The following PRDM16 variants were observed in gnomAD, a reference collection of about 807,000 sequenced individuals.
PRDM16 encodes the protein PR/SET domain 16.
Under a neutral mutation model 110.6 loss-of-function variants are expected in PRDM16, and 23 were observed. The observed-to-expected ratio is 0.21, with a 90% CI of 0.15 to 0.29. The LOEUF (loss-of-function observed/expected upper bound fraction) is 0.29. Among genes scored for constraint, PRDM16 ranks in the 10% least tolerant of loss-of-function variants. PRDM16 has a pLI of 1.00. For synonymous variants in PRDM16, 799 were observed against 781.8 expected (o/e 1.02, Z -0.37); for missense variants, 1,615 against 1,794.3 (o/e 0.90, Z 1.81).
intron 3 of PRDM16, among the ~76,000 whole-genome samples, chr1:3,267,650 AGGAGC>A (rs1216468523): frequency 6.6e-6 from 1 of 152,220 alleles, no homozygotes; most frequent in African/African-American, 2.4e-5. Flanking sequence ...CTCAGAAACG[AGGAGC>A]GGCCTCACAG....
rs1309147524 is a variant in PRDM16 at position 3,245,105 on chromosome 1, C to T, written c.438+968C>T. On this transcript the variant is annotated intron_variant, in intron 3 of 16. Transcript: ENST00000270722. The surrounding 1 kb of genome is among the most constrained non-coding windows in gnomAD (Gnocchi z 4.7). The stretch of plus-strand genomic sequence containing the variant: ...GGGTGCACCATGGGGGTTGCTGGCA[C>T]AGAGGAGCCAGTGCTGAGTCAGTGC... Among the ~76,000 whole-genome samples the T allele has an allele frequency of 6.6e-6, 1 of 152,146 alleles. No homozygotes were observed. Among genetic ancestry groups the T allele is most frequent in the Non-Finnish European group, 1.5e-5 (1 of 68,032 alleles).
intron 12 of PRDM16, among the ~76,000 whole-genome samples, chr1:3,423,636 G>C (rs924642459): frequency 2.6e-5 from 4 of 152,334 alleles, no homozygotes; most frequent in African/African-American, 4.8e-5. Flanking sequence ...TCGGGGCGGG[G>C]TGGGGCCTCT....
chr1:3,284,176 C>T (rs1640796918), intron 3 of PRDM16, among the ~76,000 whole-genome samples: 2 of 152,234 alleles, frequency 1.3e-5, no homozygotes, highest in East Asian at 1.9e-4. Flanking sequence ...GCCTGGGGGA[C>T]ATCTCGCCAA....
At chr1:3,254,076 G>A (rs936816964) in intron 3 of PRDM16, among the ~76,000 whole-genome samples, 1 of 151,912 alleles carries the variant, frequency 6.6e-6, no homozygotes, top group African/African-American at 2.4e-5. Context: ...TTGTAAATTT[G>A]TTTGAGTTCA....
intron 8 of PRDM16, among the ~76,000 whole-genome samples, chr1:3,409,758 TGA>T (rs1396106156): frequency 2.1e-4 from 21 of 102,426 alleles, no homozygotes; most frequent in Non-Finnish European, 3.7e-4. Flanking sequence ...GGTGTGGGTG[TGA>T]GTGTGTGTGG....
intron 2 of PRDM16, among the ~76,000 whole-genome samples, chr1:3,215,753 C>T (rs182140183): frequency 1.3e-5 from 2 of 152,284 alleles, no homozygotes; most frequent in East Asian, 1.9e-4. Flanking sequence ...GGTGCCCCCA[C>T]GTCCTCTGGT....
At chr1:3,198,980 G>C (rs909357056) in intron 2 of PRDM16, among the ~76,000 whole-genome samples, 1 of 152,166 alleles carries the variant, frequency 6.6e-6, no homozygotes, top group Non-Finnish European at 1.5e-5. Flanking sequence ...ATTGTCTGTC[G>C]CGGCAGCAGC....
intron 3 of PRDM16, among the ~76,000 whole-genome samples, chr1:3,367,738 A>T (rs1410703068): frequency 6.6e-6 from 1 of 152,238 alleles, no homozygotes; most frequent in African/African-American, 2.4e-5. Context: ...TTCTGAATGT[A>T]TGTTTTATAC....
chr1:3,392,756 C>G (rs1569662686), intron 4 of PRDM16, among the ~76,000 whole-genome samples: 2 of 152,298 alleles, frequency 1.3e-5, no homozygotes, highest in Middle Eastern at 3.4e-3. Flanking sequence ...ATAAAAGGCT[C>G]TGTCTGAATG....
chr1:3,377,190 C>T (rs1055225629), intron 3 of PRDM16, among the ~76,000 whole-genome samples: 4 of 152,220 alleles, frequency 2.6e-5, no homozygotes, highest in Admixed American at 1.3e-4. Flanking sequence ...CCCCGGCTCC[C>T]GCCAGCTCCT....
At position 3,069,549 on chromosome 1, in the gene PRDM16, C is replaced by T. The variant is rs1320380431; in HGVS notation, c.37+253C>T. ...CCCCTCCCCGCGGAACCCCCTCCCC[C>T]CCCACCAGTGTCAGGCGCTCGGGCC... On this transcript the variant is annotated intron_variant, in intron 1 of 16. Coordinates refer to ENST00000270722, the MANE Select transcript of PRDM16 (RefSeq NM_022114.4). The surrounding 1 kb of genome is among the most constrained non-coding windows in gnomAD (Gnocchi z 6.1). Among the ~76,000 whole-genome samples the T allele has an allele frequency of 2.0e-5, 3 of 149,238 alleles. No homozygotes were observed. The highest frequency in any genetic ancestry group is 4.5e-5 in the Non-Finnish European group (3 of 66,506).
intron 1 of PRDM16, among the ~76,000 whole-genome samples, chr1:3,139,206 C>T (rs966905849): frequency 2.6e-5 from 4 of 152,182 alleles, no homozygotes; most frequent in Non-Finnish European, 5.9e-5. Context: ...ATTTTAGCTC[C>T]ACTTGGTGCC....
intron 1 of PRDM16, among the ~76,000 whole-genome samples, chr1:3,115,957 C>T (rs989728242): frequency 6.6e-6 from 1 of 152,190 alleles, no homozygotes; most frequent in African/African-American, 2.4e-5. Flanking sequence ...TCTAGGCTGT[C>T]CATGCCCCAG....
At chr1:3,380,932 T>A (rs1206120368) in intron 3 of PRDM16, among the ~76,000 whole-genome samples, 1 of 152,038 alleles carries the variant, frequency 6.6e-6, no homozygotes, top group Admixed American at 6.5e-5. Context: ...CACAGGTGGG[T>A]CCCTAGACCT....
At chr1:3,396,194 G>T (rs1325573788) in intron 4 of PRDM16, 2 of 478,524 alleles carry the variant, frequency 4.2e-6, no homozygotes, top group Non-Finnish European at 8.1e-6. Context: ...TGGAAGCGGG[G>T]CTCTGCTGTG....
At position 3,425,755 on chromosome 1, in the gene PRDM16, G is replaced by A. The variant is rs1638585034; in HGVS notation, c.3109+5G>A. On this transcript the variant is annotated splice_donor_5th_base_variant and intron_variant, in intron 13 of 16. Transcript: ENST00000270722. The surrounding 1 kb of genome is among the most constrained non-coding windows in gnomAD (Gnocchi z 6.9). ...ACGAGCACGAGAACGCACCAGGTGG[G>A]CCACGCGGGGTGGGGCAGCCCCCAG... 6.2e-7 allele frequency: 1 copy of A among 1,613,084 alleles called. No homozygotes were observed. The highest frequency in any genetic ancestry group is 8.5e-7 in the Non-Finnish European group (1 of 1,179,862).
At chr1:3,409,969 G>A (rs1168759285) in intron 8 of PRDM16, among the ~76,000 whole-genome samples, 1 of 109,680 alleles carries the variant, frequency 9.1e-6, no homozygotes, top group Non-Finnish European at 1.8e-5. Flanking sequence ...TGGGGGGTGT[G>A]GTTGTGTGTT....
Position 3,438,449 on chromosome 1 carries a change from G to A in PRDM16, c.*4638G>A, listed in dbSNP as rs1184312125. The stretch of plus-strand genomic sequence containing the variant: ...TTTTGCAAATTGCATTCTGATGCTT[G>A]TGATGAACACAAATGTACTTGTGTA... On this transcript the variant is annotated 3_prime_UTR_variant, in exon 17 of 17. Transcript: ENST00000270722. 1 of 205,090 alleles carries A rather than the reference G, an allele frequency of 4.9e-6. No individual in the cohort carries two copies. Among genetic ancestry groups the A allele is most frequent in the Non-Finnish European group, 1.0e-5 (1 of 100,296 alleles). 12.7% of individuals were successfully genotyped at this position (205,090 alleles called of 1,614,324 possible).
intron 1 of PRDM16, among the ~76,000 whole-genome samples, chr1:3,131,006 C>A (rs759749030): frequency 1.3e-5 from 2 of 152,058 alleles, no homozygotes; most frequent in Admixed American, 6.6e-5. Context: ...TTTATCCTGA[C>A]GTGCAGACCG....
Sources: allele counts gnomAD v4.1 joint callset (sites outside exome capture counted in the v4.1 genomes callset), GRCh38; gene constraint gnomAD v4.1.1; non-coding constraint Gnocchi (gnomAD v3.1); transcripts MANE v1.5; gene names NCBI Gene and HGNC (gene_info 2026-07-23, HGNC 2026-07-21).